The following KCNIP4 variants were observed in gnomAD, a reference collection of about 807,000 sequenced individuals.
KCNIP4 encodes the protein potassium voltage-gated channel interacting protein 4, also known as Kv channel-interacting protein 4.
In KCNIP4, 12 loss-of-function variants were observed where a neutral mutation model predicts 34.0. The ratio of observed to expected loss-of-function variants is 0.35; its 90% CI spans 0.23 to 0.57. KCNIP4 has a LOEUF of 0.57. Among genes scored for constraint, KCNIP4 ranks in the 20% least tolerant of loss-of-function variants. The probability of loss-of-function intolerance (pLI) is 0.83; values close to 1 mark genes in which losing one functional copy is unlikely to be tolerated. For synonymous variants in KCNIP4, 124 were observed against 102.2 expected (o/e 1.21, Z -1.29); for missense variants, 238 against 311.7 (o/e 0.76, Z 1.78).
At chr4:21,415,890 G>C (rs1724916715) in intron 1 of KCNIP4, among the ~76,000 whole-genome samples, 1 of 152,154 alleles carries the variant, frequency 6.6e-6, no homozygotes, top group Admixed American at 6.5e-5. Context: ...AAGAGGAGAT[G>C]GGTGGGAAAG....
chr4:21,516,118 T>G lies in KCNIP4; in HGVS notation c.61+432453A>C, dbSNP rs189706687. ...GAAAAACATCTAGCAAGGAAACTTA[T>G]GTTGAGCTCTAACCTTGAGCAAAGT... On this transcript the variant is annotated intron_variant, in intron 1 of 8. Coordinates refer to ENST00000382152, the MANE Select transcript of KCNIP4 (RefSeq NM_025221.6). Among the ~76,000 whole-genome samples the G allele has an allele frequency of 2.0e-5, 3 of 152,166 alleles. No individual in the cohort carries two copies. In the South Asian group the frequency reaches 6.2e-4, roughly 31 times the overall value.
At position 21,820,281 on chromosome 4, in the gene KCNIP4, G is replaced by GTTTATATATA. The variant is rs1485869715; in HGVS notation, c.61+128289_61+128290insTATATATAAA. On this transcript the variant is annotated intron_variant, in intron 1 of 8. Coordinates refer to ENST00000382152, the MANE Select transcript of KCNIP4 (RefSeq NM_025221.6). ...GTATGTATATCTTATGTATGTGTGTGTGTGTATATATATATATATATATAT... is the reference window on the plus strand; with the variant it reads ...GTATGTATATCTTATGTATGTGTGTGTTTATATATATGTGTATATATATATATATATATAT... Among the ~76,000 whole-genome samples the GTTTATATATA allele has an allele frequency of 2.8e-4, 5 of 17,918 alleles. 1 individual carries two copies. The highest frequency in any genetic ancestry group is 8.3e-4 in the African/African-American group (5 of 6,024). 11.8% of individuals were successfully genotyped at this position (17,918 alleles called of 152,430 possible).
intron 1 of KCNIP4, among the ~76,000 whole-genome samples, chr4:21,892,826 C>A (rs916406996): frequency 2.0e-5 from 3 of 152,228 alleles, no homozygotes; most frequent in Non-Finnish European, 4.4e-5. Context: ...ACAGGGGCAA[C>A]AAAATAGATA....
At chr4:21,157,607 G>A (rs1753238400) in intron 1 of KCNIP4, among the ~76,000 whole-genome samples, 1 of 152,028 alleles carries the variant, frequency 6.6e-6, no homozygotes, top group Admixed American at 6.6e-5. Context: ...AATGCAAAAT[G>A]AGATTGGAAA....
At chr4:21,035,904 A>G (rs1237763970) in intron 1 of KCNIP4, among the ~76,000 whole-genome samples, 3 of 152,172 alleles carry the variant, frequency 2.0e-5, no homozygotes, top group Non-Finnish European at 2.9e-5. Flanking sequence ...TTACAGCTTC[A>G]TAATATCTTC....
At chr4:20,995,996 G>A (rs754944415) in intron 1 of KCNIP4, among the ~76,000 whole-genome samples, 4 of 152,248 alleles carry the variant, frequency 2.6e-5, no homozygotes, top group East Asian at 1.9e-4. Context: ...GAAGGGTGAT[G>A]TTAGTCAGGG....
chr4:21,341,932 G>A (rs751632572), intron 1 of KCNIP4, among the ~76,000 whole-genome samples: 1 of 152,112 alleles, frequency 6.6e-6, no homozygotes, highest in Non-Finnish European at 1.5e-5. Context: ...TGCAGAATGC[G>A]AGATCTGCAA....
In KCNIP4 at chr4:20,734,821, A is replaced by G. The variant is rs549834933; in HGVS notation, c.430-86T>C. ...ACAAATGATGTAAGTAAGGGCTACA[A>G]CCCTCTGGATCTTGAACATTTAGCA... On this transcript the variant is annotated intron_variant, in intron 5 of 8. Coordinates refer to ENST00000382152, the MANE Select transcript of KCNIP4 (RefSeq NM_025221.6). 19 of 678,582 alleles carry G rather than the reference A, an allele frequency of 2.8e-5. No individual in the cohort carries two copies. The African/African-American group carries it at 3.4e-4, about 12-fold the overall frequency. The allele number at this position is 678,582 out of a possible 1,614,324, so 42.0% of individuals were successfully genotyped here.
intron 1 of KCNIP4, among the ~76,000 whole-genome samples, chr4:20,980,300 C>T (rs1288812715): frequency 6.6e-6 from 1 of 152,216 alleles, no homozygotes; most frequent in African/African-American, 2.4e-5. Context: ...TTCAATATGA[C>T]AAGATTACAA....
At chr4:21,778,502 T>C (rs1017534426) in intron 1 of KCNIP4, among the ~76,000 whole-genome samples, 1 of 152,130 alleles carries the variant, frequency 6.6e-6, no homozygotes, top group African/African-American at 2.4e-5. Flanking sequence ...GTGCTGAGAT[T>C]ACAGGTGTGA....
intron 1 of KCNIP4, among the ~76,000 whole-genome samples, chr4:21,014,764 G>A (rs888736167): frequency 5.9e-5 from 9 of 152,146 alleles, no homozygotes; most frequent in Non-Finnish European, 1.3e-4. Flanking sequence ...CTACCTTTAC[G>A]TGTGTGCCCA....
chr4:21,147,669 T>G (rs1045899437), intron 1 of KCNIP4, among the ~76,000 whole-genome samples: 9 of 152,072 alleles, frequency 5.9e-5, no homozygotes, highest in Admixed American at 2.0e-4. Flanking sequence ...CCAGGCGCGG[T>G]GGCTCACACC....
chr4:20,775,093 G>A (rs897797487), intron 3 of KCNIP4, among the ~76,000 whole-genome samples: 109 of 152,110 alleles, frequency 7.2e-4, no homozygotes, highest in African/African-American at 2.3e-3. Context: ...CTGTGTATCA[G>A]GCTCTCTGTT....
intron 1 of KCNIP4, among the ~76,000 whole-genome samples, chr4:21,635,151 G>T (rs576388312): frequency 2.0e-5 from 3 of 152,236 alleles, no homozygotes; most frequent in South Asian, 2.1e-4. Flanking sequence ...CAACGAGGAG[G>T]TTATGAAATC....
At chr4:20,977,849 C>G (rs984102626) in intron 1 of KCNIP4, among the ~76,000 whole-genome samples, 5 of 152,182 alleles carry the variant, frequency 3.3e-5, no homozygotes, top group Non-Finnish European at 4.4e-5. Flanking sequence ...TCCCCAAAAT[C>G]TTCTAGATGG....
intron 1 of KCNIP4, among the ~76,000 whole-genome samples, chr4:21,917,946 G>T (rs940470998): frequency 6.6e-6 from 1 of 152,174 alleles, no homozygotes; most frequent in South Asian, 2.1e-4. Context: ...CCACCTTGCA[G>T]TGAATTTGGC....
chr4:21,314,001 G>C (rs745361530), intron 1 of KCNIP4, among the ~76,000 whole-genome samples: 1 of 152,134 alleles, frequency 6.6e-6, no homozygotes, highest in Non-Finnish European at 1.5e-5. Flanking sequence ...ATGTAGGCTC[G>C]GGCTGTGATC....
At chr4:21,776,189 C>T (rs1219027111) in intron 1 of KCNIP4, among the ~76,000 whole-genome samples, 2 of 152,188 alleles carry the variant, frequency 1.3e-5, no homozygotes, top group African/African-American at 4.8e-5. Flanking sequence ...GAGGGGGTTC[C>T]CCTTCCCCGT....
intron 1 of KCNIP4, among the ~76,000 whole-genome samples, chr4:21,442,846 C>T (rs1330759590): frequency 6.6e-6 from 1 of 152,172 alleles, no homozygotes; most frequent in African/African-American, 2.4e-5. Flanking sequence ...TTATGGACAG[C>T]TAAGGTTCAT....
Sources: allele counts gnomAD v4.1 joint callset (sites outside exome capture counted in the v4.1 genomes callset), GRCh38; gene constraint gnomAD v4.1.1; transcripts MANE v1.5; gene names NCBI Gene and HGNC (gene_info 2026-07-23, HGNC 2026-07-21).